NR3C2: variants seen among roughly 807,000 people sequenced by gnomAD.
The protein encoded by NR3C2 is nuclear receptor subfamily 3 group C member 2, also known as mineralocorticoid receptor.
Under a neutral mutation model 86.4 loss-of-function variants are expected in NR3C2, and 15 were observed. The observed-to-expected ratio is 0.17, with a 90% CI of 0.12 to 0.27. NR3C2 has a LOEUF of 0.27. Among genes scored for constraint, NR3C2 ranks in the 10% least tolerant of loss-of-function variants. The pLI, the probability that NR3C2 is intolerant of heterozygous loss-of-function variation, is 1.00. For synonymous variants in NR3C2, 458 were observed against 450.5 expected (o/e 1.02, Z -0.21); for missense variants, 960 against 1,195.6 (o/e 0.80, Z 2.91).
At chr4:148,232,265 T>C (rs1237351411) in intron 3 of NR3C2, among the ~76,000 whole-genome samples, 1 of 152,196 alleles carries the variant, frequency 6.6e-6, no homozygotes, top group Non-Finnish European at 1.5e-5. Context: ...ATGTATTTCT[T>C]AAATAATAAG....
intron 2 of NR3C2, among the ~76,000 whole-genome samples, chr4:148,342,208 G>A (rs1744780634): frequency 6.6e-6 from 1 of 152,104 alleles, no homozygotes; most frequent in Admixed American, 6.6e-5. Flanking sequence ...CCAGAGCTCA[G>A]TGGATAGCGA....
chr4:148,213,173 G>T (rs945141165), intron 3 of NR3C2, among the ~76,000 whole-genome samples: 2 of 151,790 alleles, frequency 1.3e-5, no homozygotes, highest in African/African-American at 4.8e-5. Flanking sequence ...ACTTCTCTAG[G>T]AGGAGTCACA....
intron 3 of NR3C2, chr4:148,201,145 C>T (rs530903280): frequency 2.6e-5 from 4 of 152,312 alleles, no homozygotes; most frequent in East Asian, 3.9e-4. Flanking sequence ...AGAGCCTGCA[C>T]AGTCATCCCC....
At chr4:148,161,739 T>A (rs1052332464) in intron 4 of NR3C2, among the ~76,000 whole-genome samples, 2 of 152,140 alleles carry the variant, frequency 1.3e-5, no homozygotes, top group African/African-American at 4.8e-5. Context: ...ATCCACCCAT[T>A]GTATAAGAAG....
intron 2 of NR3C2, among the ~76,000 whole-genome samples, chr4:148,304,938 C>T (rs1742538324): frequency 2.0e-5 from 3 of 149,044 alleles, no homozygotes; most frequent in South Asian, 2.1e-4. Flanking sequence ...ATAAATTCTG[C>T]TCTCCTCACC....
intron 2 of NR3C2, among the ~76,000 whole-genome samples, chr4:148,328,589 C>T (rs1387948394): frequency 1.3e-5 from 2 of 152,174 alleles, no homozygotes; most frequent in Non-Finnish European, 2.9e-5. Flanking sequence ...TGAATAACAG[C>T]AACCAAACTT....
In NR3C2 at chr4:148,081,107, A is replaced by G. The variant is rs1163408299; in HGVS notation, c.*237T>C. ...GCTTTTCATCCCGAGGAACAGGAAC[A>G]TGTTTCTAAGCGCTGGGGGATTGGA... On this transcript the variant is annotated 3_prime_UTR_variant, in exon 9 of 9. Transcript: ENST00000358102. 12 of 557,436 alleles carry G rather than the reference A, an allele frequency of 2.2e-5. No individual in the cohort carries two copies. Among genetic ancestry groups the G allele is most frequent in the Non-Finnish European group, 3.9e-5 (12 of 307,478 alleles). The allele number at this position is 557,436 out of a possible 1,614,324, so 34.5% of individuals were successfully genotyped here.
intron 2 of NR3C2, among the ~76,000 whole-genome samples, chr4:148,370,666 G>C (rs1350629188): frequency 2.6e-5 from 4 of 152,082 alleles, no homozygotes; most frequent in African/African-American, 9.7e-5. Flanking sequence ...GAATGGGAGG[G>C]GGTGCTAAAA....
At chr4:148,197,187 G>A (rs1231498497) in intron 3 of NR3C2, among the ~76,000 whole-genome samples, 2 of 152,198 alleles carry the variant, frequency 1.3e-5, no homozygotes, top group Non-Finnish European at 2.9e-5. Context: ...ATAAGACATT[G>A]AAGATGCTCT....
chr4:148,083,958 AAAG>A (rs949661775), intron 8 of NR3C2, among the ~76,000 whole-genome samples: 20 of 152,180 alleles, frequency 1.3e-4, no homozygotes, highest in African/African-American at 4.1e-4. Flanking sequence ...TAAAGCAAGA[AAAG>A]AAGATGAGAG....
At chr4:148,312,336 T>C (rs1427122699) in intron 2 of NR3C2, among the ~76,000 whole-genome samples, 1 of 152,162 alleles carries the variant, frequency 6.6e-6, no homozygotes, top group Non-Finnish European at 1.5e-5. Flanking sequence ...AAATGCTATA[T>C]ATATATCTTT....
At chr4:148,241,983 C>T (rs916771710) in intron 3 of NR3C2, among the ~76,000 whole-genome samples, 7 of 151,936 alleles carry the variant, frequency 4.6e-5, no homozygotes, top group Non-Finnish European at 5.9e-5. Context: ...ACATTAGGTA[C>T]CTAGAGAAGT....
At chr4:148,377,547 G>A (rs1460393853) in intron 2 of NR3C2, among the ~76,000 whole-genome samples, 1 of 152,166 alleles carries the variant, frequency 6.6e-6, no homozygotes, top group Non-Finnish European at 1.5e-5. Flanking sequence ...GATGAATTTG[G>A]GGGAAGCAGC....
chr4:148,154,625 T>C lies in NR3C2; in HGVS notation c.2291A>G (p.Asn764Ser). ...TAAGCGGTTGAGCGTGGAGAGCAGATTTTCGGCTGTATCTGGTTTTGAGCT... is the reference window on the plus strand; with the variant it reads ...TAAGCGGTTGAGCGTGGAGAGCAGACTTTCGGCTGTATCTGGTTTTGAGCT... ...YDSSKPDTAE[N>S]LLSTLNRLAG... is the part of the protein sequence containing the mutation. The change falls in exon 5 of 9, where the codon AAT becomes AGT. Residue 764 changes from asparagine to serine, a missense_variant. Around this residue, in one of 4 missense-constraint regions of NR3C2, gnomAD observed 151 missense variants for 296.3 expected, o/e 0.51. Transcript: ENST00000358102. 1 of 1,614,174 alleles carries C rather than the reference T, an allele frequency of 6.2e-7. No homozygotes were observed. The highest frequency in any genetic ancestry group is 8.5e-7 in the Non-Finnish European group (1 of 1,180,030).
chr4:148,352,373 C>CATCTATCTATCTATCTATCT (rs3045288), intron 2 of NR3C2, among the ~76,000 whole-genome samples: 3 of 146,208 alleles, frequency 2.1e-5, no homozygotes, highest in Non-Finnish European at 4.5e-5. Context: ...CAACTCCTAT[C>CATCTATCTATCTATCTATCT]ATCTATCTAT....
At chr4:148,422,991 G>A (rs1478618349) in intron 2 of NR3C2, among the ~76,000 whole-genome samples, 1 of 151,946 alleles carries the variant, frequency 6.6e-6, no homozygotes, top group Non-Finnish European at 1.5e-5. Flanking sequence ...AACATACATG[G>A]TTTAGTCATG....
intron 1 of NR3C2, 61 bp downstream of exon 1, chr4:148,442,098 TC>T (rs1253079692): frequency 6.6e-6 from 1 of 152,538 alleles, no homozygotes; most frequent in Non-Finnish European, 1.5e-5. Flanking sequence ...AAGTGCACGC[TC>T]CCGCGCCGCG....
At chr4:148,133,157 C>T (rs370113702) in intron 6 of NR3C2, among the ~76,000 whole-genome samples, 10 of 147,720 alleles carry the variant, frequency 6.8e-5, no homozygotes, top group African/African-American at 2.5e-4. Flanking sequence ...AGGGCCACTG[C>T]ACTTCAGCCT....
At chr4:148,111,658 G>A (rs1042044826) in intron 8 of NR3C2, among the ~76,000 whole-genome samples, 2 of 152,102 alleles carry the variant, frequency 1.3e-5, no homozygotes, top group Admixed American at 6.6e-5. Context: ...AGAAAAACAC[G>A]ACAAATTATT....
Sources: gnomAD v4.1 joint callset for allele counts (sites outside exome capture counted in the v4.1 genomes callset) on GRCh38, gnomAD v4.1.1 for gene constraint, gnomAD v4.1.1 regional missense constraint, MANE v1.5 for transcripts, NCBI Gene and HGNC (gene_info 2026-07-23, HGNC 2026-07-21) for gene names.